Variants in COL21A1 observed in about 807,000 individuals in gnomAD.
COL21A1 encodes collagen type XXI alpha 1 chain.
COL21A1 carries 149 observed loss-of-function variants against 137.9 expected under a neutral mutation model. That is an observed-to-expected ratio of 1.08 (90% CI 0.95 to 1.24). The LOEUF (loss-of-function observed/expected upper bound fraction) is 1.24. Ranked by LOEUF, COL21A1 falls within the 50% of genes most tolerant of loss-of-function variation. COL21A1 has a pLI of 0.00. For missense variants in COL21A1, 1,167 were observed against 1,158.4 expected, an observed-to-expected ratio of 1.01 and a Z score of -0.11; for synonymous variants, 456 against 391.5, an observed-to-expected ratio of 1.16 and a Z score of -1.95.
chr6:56,078,033 C>A (rs938178116), intron 17 of COL21A1: 6 of 454,856 alleles, frequency 1.3e-5, no homozygotes, highest in Non-Finnish European at 2.2e-5. Context: ...CCTTGAAATA[C>A]CCAAGAACCT....
intron 10 of COL21A1, among the ~76,000 whole-genome samples, chr6:56,153,165 G>A (rs1384205879): frequency 6.6e-6 from 1 of 152,076 alleles, no homozygotes; most frequent in African/African-American, 2.4e-5. Context: ...AAGAGGAGAG[G>A]TTAGGTTTGG....
intron 1 of COL21A1, among the ~76,000 whole-genome samples, chr6:56,203,176 T>G (rs1779520816): frequency 6.6e-6 from 1 of 152,236 alleles, no homozygotes; most frequent in Admixed American, 6.5e-5. Flanking sequence ...AAAATTTTTC[T>G]CCAACTATCT....
chr6:56,173,442 A>C (rs1413255866), intron 3 of COL21A1, among the ~76,000 whole-genome samples: 1 of 151,934 alleles, frequency 6.6e-6, no homozygotes, highest in Non-Finnish European at 1.5e-5. Flanking sequence ...AAAAGGGAAA[A>C]GGGAAAGGAA....
chr6:56,133,296 G>A (rs1043984403), intron 12 of COL21A1, among the ~76,000 whole-genome samples: 1 of 152,104 alleles, frequency 6.6e-6, no homozygotes, highest in Non-Finnish European at 1.5e-5. Flanking sequence ...AGCAACTCTT[G>A]TTATGTTTTA....
chr6:56,279,127 T>G (rs562240552), intron 1 of COL21A1, among the ~76,000 whole-genome samples: 1 of 152,270 alleles, frequency 6.6e-6, no homozygotes, highest in South Asian at 2.1e-4. Context: ...GATCTCCTTA[T>G]AGTGAGTGAG....
At chr6:56,323,165 T>C (rs533306656) in intron 1 of COL21A1, among the ~76,000 whole-genome samples, 16 of 152,200 alleles carry the variant, frequency 1.1e-4, no homozygotes, top group African/African-American at 3.6e-4. Context: ...TTTACAAGAA[T>C]AAAAACTAAA....
chr6:56,097,756 T>C (rs1769491076), intron 17 of COL21A1, among the ~76,000 whole-genome samples: 1 of 127,154 alleles, frequency 7.9e-6, no homozygotes, highest in East Asian at 2.1e-4. Flanking sequence ...ATATTTTTTA[T>C]ATATATATAA....
At chr6:56,138,981 A>C (rs1316083247) in intron 12 of COL21A1, among the ~76,000 whole-genome samples, 1 of 152,118 alleles carries the variant, frequency 6.6e-6, no homozygotes, top group East Asian at 1.9e-4. Context: ...TGGGATCCAG[A>C]CTGCAAGAGG....
At chr6:56,366,285 G>A (rs1766099205) in intron 1 of COL21A1, among the ~76,000 whole-genome samples, 3 of 152,134 alleles carry the variant, frequency 2.0e-5, no homozygotes, top group South Asian at 4.1e-4. Context: ...CCTGAGCAGT[G>A]CTCTCCCTCC....
At chr6:56,192,715 G>A (rs1778769527) in intron 1 of COL21A1, among the ~76,000 whole-genome samples, 1 of 152,170 alleles carries the variant, frequency 6.6e-6, no homozygotes, top group Non-Finnish European at 1.5e-5. Context: ...TGGAGAAATA[G>A]GAATGCTTTT....
intron 3 of COL21A1, among the ~76,000 whole-genome samples, chr6:56,174,884 G>A (rs1449757551): frequency 6.6e-6 from 1 of 152,080 alleles, no homozygotes; most frequent in African/African-American, 2.4e-5. Flanking sequence ...TATCCCTGAT[G>A]AATATAGATG....
At chr6:56,323,265 G>A (rs969531466) in intron 1 of COL21A1, among the ~76,000 whole-genome samples, 9 of 152,064 alleles carry the variant, frequency 5.9e-5, no homozygotes, top group Non-Finnish European at 8.8e-5. Context: ...TTACAGATAT[G>A]GCATGAACAT....
chr6:56,333,946 T>C (rs187213814), intron 1 of COL21A1, among the ~76,000 whole-genome samples: 4 of 151,810 alleles, frequency 2.6e-5, no homozygotes, highest in African/African-American at 4.8e-5. Context: ...ATTTTGCCCA[T>C]TTCTGATTCT....
chr6:56,319,078 C>G (rs1764809111), intron 1 of COL21A1, among the ~76,000 whole-genome samples: 1 of 152,148 alleles, frequency 6.6e-6, no homozygotes, highest in Non-Finnish European at 1.5e-5. Flanking sequence ...CAGCACTTGA[C>G]ACAGTTGATC....
At chr6:56,274,880 A>G (rs560683213) in intron 1 of COL21A1, among the ~76,000 whole-genome samples, 10 of 152,186 alleles carry the variant, frequency 6.6e-5, no homozygotes, top group Non-Finnish European at 1.5e-4. Context: ...TTCATATGGA[A>G]CCAAAAAAAA....
chr6:56,266,128 G>A (rs896127769), intron 1 of COL21A1, among the ~76,000 whole-genome samples: 4 of 152,168 alleles, frequency 2.6e-5, no homozygotes, highest in Non-Finnish European at 5.9e-5. Flanking sequence ...CTTAATTAAT[G>A]CTGATGACAA....
At position 56,069,071 on chromosome 6, in the gene COL21A1, C is replaced by T. The variant is rs1348329661; in HGVS notation, c.2066G>A (p.Gly689Asp). Residue 689 changes from glycine to aspartate, a missense_variant, in exon 22 of 30, where the codon GGT (glycine) becomes GAT (aspartate). Coordinates refer to ENST00000244728, the MANE Select transcript of COL21A1 (RefSeq NM_030820.4). ...TGSPGEPGYM[G>D]LPGIQGKKGD... ...CTTTTTTCCTTGAATCCCGGGTAAACCCATGTATCCTGGTTCTCCTGGGGA... is the reference window on the plus strand; with the variant it reads ...CTTTTTTCCTTGAATCCCGGGTAAATCCATGTATCCTGGTTCTCCTGGGGA... 3.7e-6 allele frequency: 6 copies of T among 1,600,358 alleles called. No individual in the cohort carries two copies. Among genetic ancestry groups the T allele is most frequent in the East Asian group, 2.3e-5 (1 of 43,934 alleles).
chr6:56,276,799 T>G lies in COL21A1; in HGVS notation c.-38-94143A>C, dbSNP rs1261129668. ...AATTCTGGTTGTTCAGTGAGTTGTGTTTTTTTTGTTTTTTTTGTTTTTTTT... is the reference window on the plus strand; with the variant it reads ...AATTCTGGTTGTTCAGTGAGTTGTGGTTTTTTTGTTTTTTTTGTTTTTTTT... On this transcript the variant is annotated intron_variant, in intron 1 of 28. Transcript: ENST00000370819. 22 of 827,198 alleles carry G rather than the reference T, an allele frequency of 2.7e-5. No homozygotes were observed. In the South Asian group the frequency reaches 3.1e-4, roughly 12 times the overall value. The allele number at this position is 827,198 out of a possible 1,614,324, so 51.2% of individuals were successfully genotyped here. A position where few individuals can be genotyped will look rare whatever the true frequency, so the allele number is the denominator to read the frequency against.
chr6:56,389,182 C>T (rs1290512320), intron 1 of COL21A1, among the ~76,000 whole-genome samples: 7 of 151,834 alleles, frequency 4.6e-5, no homozygotes, highest in African/African-American at 7.3e-5. Context: ...ACCAATATGG[C>T]GAAACCCCAT....
Sources: gnomAD v4.1 joint callset for allele counts (sites outside exome capture counted in the v4.1 genomes callset) on GRCh38, gnomAD v4.1.1 for gene constraint, MANE v1.5 for transcripts, NCBI Gene and HGNC (gene_info 2026-07-23, HGNC 2026-07-21) for gene names.